The following ME3 variants were observed in gnomAD, a reference collection of about 807,000 sequenced individuals.
ME3 encodes malic enzyme 3.
A neutral mutation model predicts 68.9 loss-of-function variants in ME3; 48 were observed. That is an observed-to-expected ratio of 0.70 (90% CI 0.55 to 0.89). The LOEUF (loss-of-function observed/expected upper bound fraction) is 0.89. Ranked by LOEUF, ME3 falls within the 40% of genes least tolerant of loss-of-function variation. The probability of loss-of-function intolerance (pLI) is 0.00; values close to 1 mark genes in which losing one functional copy is unlikely to be tolerated. For synonymous variants in ME3, 320 were observed against 318.8 expected (o/e 1.00, Z -0.04); for missense variants, 675 against 797.4 (o/e 0.85, Z 1.85).
chr11:86,583,296 A>T (rs1194667649), intron 2 of ME3, among the ~76,000 whole-genome samples: 1 of 152,230 alleles, frequency 6.6e-6, no homozygotes, highest in East Asian at 1.9e-4. Flanking sequence ...CACAGCAGAT[A>T]TTAGGTTGAT....
At chr11:86,667,215 C>G (rs1024613771) in intron 2 of ME3, among the ~76,000 whole-genome samples, 1 of 152,208 alleles carries the variant, frequency 6.6e-6, no homozygotes, top group African/African-American at 2.4e-5. Context: ...ACTTTCCATT[C>G]ATTCTTTCCC....
chr11:86,494,107 G>A (rs1224551760), intron 6 of ME3, among the ~76,000 whole-genome samples: 2 of 151,456 alleles, frequency 1.3e-5, no homozygotes, highest in African/African-American at 4.9e-5. Flanking sequence ...CATTTGAAAA[G>A]AGAAAAATCA....
chr11:86,635,859 A>C (rs1221948209), intron 2 of ME3, among the ~76,000 whole-genome samples: 1 of 152,238 alleles, frequency 6.6e-6, no homozygotes, highest in East Asian at 1.9e-4. Flanking sequence ...CTTGCAGACA[A>C]GGAAACAGAC....
intron 2 of ME3, among the ~76,000 whole-genome samples, chr11:86,649,263 C>T (rs929823711): frequency 6.6e-6 from 1 of 152,088 alleles, no homozygotes; most frequent in Non-Finnish European, 1.5e-5. Context: ...AAATTCAACA[C>T]CCCTTCATGC....
intron 4 of ME3, among the ~76,000 whole-genome samples, chr11:86,531,043 C>A (rs973200365): frequency 1.3e-5 from 2 of 152,076 alleles, no homozygotes; most frequent in Non-Finnish European, 2.9e-5. Flanking sequence ...AAAGAAACTA[C>A]CATCAGAGTG....
chr11:86,586,651 T>A lies in ME3; in HGVS notation c.184-26828A>T, dbSNP rs1324997594. Among the ~76,000 whole-genome samples, 5 of 152,252 alleles carry A rather than the reference T, an allele frequency of 3.3e-5. No homozygotes were observed. The East Asian group carries it at 9.7e-4, about 29-fold the overall frequency. On this transcript the variant is annotated intron_variant, in intron 2 of 14. Coordinates refer to ENST00000543262, the Ensembl canonical transcript of ME3. Reference sequence around the variant, plus strand: ...TGATGAAAAGGACAAAAGTTCAATATCTCTAAATGGCCCAACTCTTCAAAT... The same window carrying A: ...TGATGAAAAGGACAAAAGTTCAATAACTCTAAATGGCCCAACTCTTCAAAT...
In ME3 at chr11:86,477,530, A is replaced by T. The variant is rs549623332; in HGVS notation, c.809+9807T>A. On this transcript the variant is annotated intron_variant, in intron 7 of 14. Coordinates refer to ENST00000543262, the Ensembl canonical transcript of ME3. ...ATCAGATCCCTGCTCCCCGCCACCC[A>T]TAAGACCCTTATATTCCTTCATCTC... Among the ~76,000 whole-genome samples, 5 of 152,350 alleles carry T rather than the reference A, an allele frequency of 3.3e-5. No individual in the cohort carries two copies. In the East Asian group the frequency reaches 9.6e-4, roughly 29 times the overall value.
At chr11:86,494,139 C>G (rs187003849) in intron 6 of ME3, among the ~76,000 whole-genome samples, 12 of 152,156 alleles carry the variant, frequency 7.9e-5, no homozygotes, top group Middle Eastern at 3.4e-3. Context: ...ATGTTGGTCA[C>G]TTTATAACTT....
intron 2 of ME3, among the ~76,000 whole-genome samples, chr11:86,585,355 A>T (rs1958669967): frequency 6.6e-6 from 1 of 152,208 alleles, no homozygotes. Flanking sequence ...AGCTTGTGCT[A>T]GGATGGTGGA....
chr11:86,640,709 C>A (rs753713993), intron 2 of ME3, among the ~76,000 whole-genome samples: 1 of 152,224 alleles, frequency 6.6e-6, no homozygotes, highest in African/African-American at 2.4e-5. Flanking sequence ...TCTCTCATCA[C>A]CTCTCTTCCT....
At chr11:86,540,751 G>A (rs1353382071) in intron 4 of ME3, among the ~76,000 whole-genome samples, 1 of 152,142 alleles carries the variant, frequency 6.6e-6, no homozygotes, top group Non-Finnish European at 1.5e-5. Context: ...TTTCTGGCAA[G>A]GCAACCTTCA....
intron 7 of ME3, among the ~76,000 whole-genome samples, chr11:86,486,611 G>A (rs79281772): frequency 0.067 from 10,197 of 152,342 alleles, 374 homozygotes; most frequent in Non-Finnish European, 0.084. Flanking sequence ...CTGGAGATTT[G>A]CAAGTGAGAG....
intron 3 of ME3, 84 bp downstream of exon 3, chr11:86,559,606 T>G: frequency 6.9e-7 from 1 of 1,454,282 alleles, no homozygotes. Context: ...AGCTGGAGAG[T>G]TTCCAGAAAA....
At chr11:86,611,952 C>A (rs1230413624) in intron 2 of ME3, among the ~76,000 whole-genome samples, 1 of 152,098 alleles carries the variant, frequency 6.6e-6, no homozygotes, top group African/African-American at 2.4e-5. Flanking sequence ...ATTTTTATTT[C>A]TTCTAAAAAG....
chr11:86,660,707 T>C (rs954032648), intron 2 of ME3, among the ~76,000 whole-genome samples: 2 of 152,174 alleles, frequency 1.3e-5, no homozygotes, highest in African/African-American at 4.8e-5. Context: ...TCCTCTAACC[T>C]GTTCCAAGTT....
At chr11:86,617,934 A>G (rs1413397522) in intron 2 of ME3, among the ~76,000 whole-genome samples, 1 of 152,202 alleles carries the variant, frequency 6.6e-6, no homozygotes, top group Non-Finnish European at 1.5e-5. Flanking sequence ...AACTGCAGTC[A>G]AAGACTATAA....
At chr11:86,531,184 T>C (rs1594322298) in intron 4 of ME3, among the ~76,000 whole-genome samples, 1 of 151,986 alleles carries the variant, frequency 6.6e-6, no homozygotes, top group Non-Finnish European at 1.5e-5. Flanking sequence ...AACAAGTGGG[T>C]GAAGGATATG....
intron 2 of ME3, among the ~76,000 whole-genome samples, chr11:86,644,934 C>T (rs1944903597): frequency 6.6e-6 from 1 of 152,154 alleles, no homozygotes; most frequent in African/African-American, 2.4e-5. Flanking sequence ...GGTGGGGCAT[C>T]GCCTCACCTG....
In ME3 at chr11:86,666,425, A is replaced by G. The variant is rs78547834; in HGVS notation, c.183+5337T>C. 7.1e-3 allele frequency among the ~76,000 whole-genome samples: 1,082 copies of G among 152,316 alleles called. 11 individuals are homozygous for G. The highest frequency in any genetic ancestry group is 0.025 in the African/African-American group (1,023 of 41,564). ...CCAGACTTGTTCCTAACAGAGAAAT[A>G]TACTTCTATCTTATTTAAGCCTCTG... On this transcript the variant is annotated intron_variant, in intron 2 of 14. Transcript: ENST00000543262.
Sources: allele counts gnomAD v4.1 joint callset (sites outside exome capture counted in the v4.1 genomes callset), GRCh38; gene constraint gnomAD v4.1.1; transcripts MANE v1.5; gene names NCBI Gene and HGNC (gene_info 2026-07-23, HGNC 2026-07-21).